The following PDK1 variants were observed in gnomAD, a reference collection of about 807,000 sequenced individuals.
The protein encoded by PDK1 is [Pyruvate dehydrogenase (acetyl-transferring)] kinase isozyme 1, mitochondrial.
In PDK1, 39 loss-of-function variants were observed where a neutral mutation model predicts 54.2. The ratio of observed to expected loss-of-function variants is 0.72; its 90% CI spans 0.56 to 0.94. The LOEUF (loss-of-function observed/expected upper bound fraction) is 0.94. Among genes scored for constraint, PDK1 ranks in the 40% least tolerant of loss-of-function variants. The probability of loss-of-function intolerance (pLI) is 0.00; values close to 1 mark genes in which losing one functional copy is unlikely to be tolerated. For missense variants in PDK1, 552 were observed against 566.0 expected (o/e 0.98, Z 0.25); for synonymous variants, 221 against 207.1 (o/e 1.07, Z -0.58).
the PDK1 span, among the ~76,000 whole-genome samples, chr2:172,635,611 C>G: frequency 1.3e-5 from 2 of 152,174 alleles, no homozygotes; most frequent in African/African-American, 4.8e-5. Flanking sequence ...CCACCGCACC[C>G]TGTATTAACT....
chr2:172,687,152 G>A, the PDK1 span, among the ~76,000 whole-genome samples: 1 of 151,942 alleles, frequency 6.6e-6, no homozygotes, highest in African/African-American at 2.4e-5. Context: ...ACAATTTAAT[G>A]AACTCTATTT....
chr2:172,590,224 G>A (rs964604272), intron 9 of PDK1, among the ~76,000 whole-genome samples: 5 of 152,204 alleles, frequency 3.3e-5, no homozygotes, highest in Non-Finnish European at 4.4e-5. Context: ...TTCTACTCTT[G>A]CTCCTAAAAG....
At chr2:172,564,934 A>C in intron 4 of PDK1, 44 bp from the exon 5 acceptor site, 1 of 1,253,778 alleles carries the variant, frequency 8.0e-7, no homozygotes, top group Non-Finnish European at 1.2e-6. Flanking sequence ...AAAGAGCATT[A>C]GGTGGTTTAG....
chr2:172,587,659 T>A (rs925834784), intron 9 of PDK1, among the ~76,000 whole-genome samples: 1 of 149,588 alleles, frequency 6.7e-6, no homozygotes, highest in Non-Finnish European at 1.5e-5. Flanking sequence ...TTGCCGCTGC[T>A]GGCTGTGGGG....
At chr2:172,664,297 G>A in the PDK1 span, among the ~76,000 whole-genome samples, 1 of 62,394 alleles carries the variant, frequency 1.6e-5, no homozygotes, top group Non-Finnish European at 2.7e-5. Context: ...GACAACGAGA[G>A]CAAAACTCTG....
the PDK1 span, among the ~76,000 whole-genome samples, chr2:172,616,195 GT>G: frequency 6.6e-6 from 1 of 152,096 alleles, no homozygotes; most frequent in Non-Finnish European, 1.5e-5. Flanking sequence ...CAATTTAGCA[GT>G]TTTTTTGTAA....
At chr2:172,610,344 C>G (rs1354312201), downstream of PDK1, among the ~76,000 whole-genome samples, 2 of 152,096 alleles carry the variant, frequency 1.3e-5, no homozygotes, top group South Asian at 2.1e-4. Context: ...GCACTGCCTG[C>G]CCCTACGATG....
rs1442590668 is a variant in PDK1 at position 172,598,110 on chromosome 2, G to A, written c.*2141G>A. Reference sequence around the variant, plus strand: ...ACATGTTAATGAGTAATTTATATTAGTTCGATGTATTACAATTTTTTAGCT... The same window carrying A: ...ACATGTTAATGAGTAATTTATATTAATTCGATGTATTACAATTTTTTAGCT... On this transcript the variant is annotated 3_prime_UTR_variant, in exon 11 of 11. Transcript: ENST00000282077. 2 of 152,130 alleles carry A rather than the reference G, an allele frequency of 1.3e-5. No homozygotes were observed. Among genetic ancestry groups the A allele is most frequent in the African/African-American group, 2.4e-5 (1 of 41,432 alleles). The allele number at this position is 152,130 out of a possible 1,614,324, so 9.4% of individuals were successfully genotyped here. A position where few individuals can be genotyped will look rare whatever the true frequency, so the allele number is the denominator to read the frequency against.
chr2:172,683,369 T>A, the PDK1 span, among the ~76,000 whole-genome samples: 1 of 147,858 alleles, frequency 6.8e-6, no homozygotes, highest in Non-Finnish European at 1.5e-5. Context: ...AAACAACTTA[T>A]AAAGAAATGA....
chr2:172,572,697 C>T (rs552226980), intron 8 of PDK1, among the ~76,000 whole-genome samples: 13 of 152,226 alleles, frequency 8.5e-5, no homozygotes, highest in African/African-American at 3.1e-4. Flanking sequence ...TGCACTCCAG[C>T]CTGGGTGACA....
At chr2:172,724,102 C>T in the PDK1 span, 1 of 152,040 alleles carries the variant, frequency 6.6e-6, no homozygotes, top group African/African-American at 2.4e-5. Context: ...TTAATGATTC[C>T]ACAATTTAGA....
chr2:172,572,878 T>C (rs1342487710), intron 8 of PDK1, among the ~76,000 whole-genome samples: 1 of 152,256 alleles, frequency 6.6e-6, no homozygotes, highest in Non-Finnish European at 1.5e-5. Flanking sequence ...TGTGGTCTTT[T>C]GTTACTGACT....
At chr2:172,708,282 A>G in the PDK1 span, among the ~76,000 whole-genome samples, 2 of 152,250 alleles carry the variant, frequency 1.3e-5, no homozygotes, top group African/African-American at 4.8e-5. Context: ...GAGTGAAAAA[A>G]AAAAAAGAAA....
Position 172,556,167 on chromosome 2 carries a change from TG to T in PDK1, c.18del (p.Leu7PhefsTer53). The part of the protein sequence containing the change: MRLAR[L>X]LRGAALAGPG... ...GGACTCGGCATGAGGCTGGCGCGGC[TG>T]CTTCGCGGAGCCGCCTTGGCCGGCC... On this transcript the variant is annotated frameshift_variant, in exon 1 of 11. Transcript: ENST00000282077. LOFTEE classifies it high-confidence loss of function. 7.1e-7 allele frequency: 1 copy of T among 1,415,352 alleles called. No homozygotes were observed. Among genetic ancestry groups the T allele is most frequent in the Non-Finnish European group, 9.2e-7 (1 of 1,091,996 alleles). 87.7% of individuals were successfully genotyped at this position (1,415,352 alleles called of 1,614,324 possible).
intron 8 of PDK1, among the ~76,000 whole-genome samples, chr2:172,574,511 G>T (rs1689472153): frequency 6.6e-6 from 1 of 152,244 alleles, no homozygotes. Flanking sequence ...TGCCATCTTA[G>T]AGTTAACAAT....
At chr2:172,587,290 G>C (rs1690288547) in intron 9 of PDK1, among the ~76,000 whole-genome samples, 1 of 152,184 alleles carries the variant, frequency 6.6e-6, no homozygotes, top group African/African-American at 2.4e-5. Context: ...TGAGTTCCTG[G>C]TTTTGCTGGC....
At chr2:172,636,766 G>A in the PDK1 span, among the ~76,000 whole-genome samples, 4 of 150,864 alleles carry the variant, frequency 2.7e-5, no homozygotes, top group East Asian at 1.9e-4. Flanking sequence ...CATAAGGATG[G>A]CACCAAGACA....
At chr2:172,668,564 G>A in the PDK1 span, among the ~76,000 whole-genome samples, 1 of 151,364 alleles carries the variant, frequency 6.6e-6, no homozygotes, top group Non-Finnish European at 1.5e-5. Context: ...TTTAACAATT[G>A]TTTGACTCTC....
chr2:172,673,371 G>C, the PDK1 span, among the ~76,000 whole-genome samples: 1 of 152,126 alleles, frequency 6.6e-6, no homozygotes, highest in African/African-American at 2.4e-5. Context: ...CCACCATTTT[G>C]TCCCTTAATA....
Sources: allele counts gnomAD v4.1 joint callset (sites outside exome capture counted in the v4.1 genomes callset), GRCh38; gene constraint gnomAD v4.1.1; transcripts MANE v1.5; gene names NCBI Gene and HGNC (gene_info 2026-07-23, HGNC 2026-07-21).